Variants in TGM3 observed in about 807,000 individuals in gnomAD.
TGM3 encodes protein-glutamine gamma-glutamyltransferase E.
Under a neutral mutation model 73.8 loss-of-function variants are expected in TGM3, and 52 were observed. That is an observed-to-expected ratio of 0.70 (90% CI 0.56 to 0.89). TGM3 has a LOEUF of 0.89. Among genes scored for constraint, TGM3 ranks in the 40% least tolerant of loss-of-function variants. TGM3 has a pLI of 0.00. For synonymous variants in TGM3, 372 were observed against 354.9 expected (o/e 1.05, Z -0.54); for missense variants, 928 against 909.9 (o/e 1.02, Z -0.26).
chr20:2,304,931 T>C (rs1165543496), intron 1 of TGM3, among the ~76,000 whole-genome samples: 1 of 152,158 alleles, frequency 6.6e-6, no homozygotes, highest in African/African-American at 2.4e-5. Flanking sequence ...GAAGATTTGC[T>C]AGAACAGCTC....
intron 5 of TGM3, among the ~76,000 whole-genome samples, chr20:2,316,493 C>T (rs1454717452): frequency 2.0e-5 from 3 of 151,726 alleles, no homozygotes; most frequent in African/African-American, 7.3e-5. Context: ...ATCCAGGAGG[C>T]GAAGCTTGCA....
Position 2,340,706 on chromosome 20 carries a change from C to A in TGM3, c.*125C>A. 1 of 1,314,404 alleles carries A rather than the reference C, an allele frequency of 7.6e-7. No homozygotes were observed. Among genetic ancestry groups the A allele is most frequent in the Non-Finnish European group, 1.1e-6 (1 of 939,130 alleles). 81.4% of individuals were successfully genotyped at this position (1,314,404 alleles called of 1,614,324 possible). A position where few individuals can be genotyped will look rare whatever the true frequency, so the allele number is the denominator to read the frequency against. On this transcript the variant is annotated 3_prime_UTR_variant, in exon 13 of 13. Transcript: ENST00000381458. ...CTCTCCATCTCCCAAGGCTGCCAGA[C>A]ATGGACCTCCAGGCTCCAGCACATC...
chr20:2,300,131 AG>A (rs1198635324), intron 1 of TGM3, among the ~76,000 whole-genome samples: 10 of 151,410 alleles, frequency 6.6e-5, no homozygotes, highest in Non-Finnish European at 1.2e-4. Context: ...AAAGAAAGGA[AG>A]AAAGAAAGGA....
chr20:2,330,381 C>G (rs1453406190), intron 9 of TGM3, among the ~76,000 whole-genome samples: 1 of 152,202 alleles, frequency 6.6e-6, no homozygotes, highest in East Asian at 1.9e-4. Flanking sequence ...GCCTTCAGCT[C>G]TGGGTTGAAC....
chr20:2,309,624 C>T, intron 1 of TGM3, 33 bp from the exon 2 acceptor site: 4 of 1,610,980 alleles, frequency 2.5e-6, no homozygotes, highest in Non-Finnish European at 3.4e-6. Context: ...CCCTTGCCTC[C>T]TAGGACTTCA....
chr20:2,301,092 A>G (rs775750314), intron 1 of TGM3, among the ~76,000 whole-genome samples: 5 of 152,054 alleles, frequency 3.3e-5, no homozygotes, highest in Non-Finnish European at 7.4e-5. Context: ...ACTCTCCCTG[A>G]ATGCCAAGAA....
rs149237249 is a variant in TGM3 at position 2,312,305 on chromosome 20, C to T, written c.541-593C>T. 3.1e-3 allele frequency among the ~76,000 whole-genome samples: 429 copies of T among 137,044 alleles called. 5 individuals are homozygous for T. Among genetic ancestry groups the T allele is most frequent in the East Asian group, 2.0e-3 (8 of 4,052 alleles). 89.9% of individuals were successfully genotyped at this position (137,044 alleles called of 152,430 possible). On this transcript the variant is annotated intron_variant, in intron 4 of 12. Coordinates refer to ENST00000381458, the MANE Select transcript of TGM3 (RefSeq NM_003245.4). ...ATCCCAGCTACTTGGGAGGCTGAGG[C>T]GGGAGAATTACTTCCCAGGAGGTGG...
Position 2,340,712 on chromosome 20 carries a change from C to A in TGM3, c.*131C>A. The A allele has an allele frequency of 2.4e-6, 3 of 1,236,710 alleles. No homozygotes were observed. The highest frequency in any genetic ancestry group is 2.3e-6 in the Non-Finnish European group (2 of 870,684). The allele number at this position is 1,236,710 out of a possible 1,614,324, so 76.6% of individuals were successfully genotyped here. A position where few individuals can be genotyped will look rare whatever the true frequency, so the allele number is the denominator to read the frequency against. On this transcript the variant is annotated 3_prime_UTR_variant, in exon 13 of 13. Coordinates refer to ENST00000381458, the MANE Select transcript of TGM3 (RefSeq NM_003245.4). ...ATCTCCCAAGGCTGCCAGACATGGA[C>A]CTCCAGGCTCCAGCACATCCCCCTC...
chr20:2,331,702 G>A (rs899513908), intron 9 of TGM3, among the ~76,000 whole-genome samples: 4 of 152,150 alleles, frequency 2.6e-5, no homozygotes, highest in African/African-American at 7.2e-5. Flanking sequence ...AGAAAAAAAT[G>A]GAATCTAACC....
chr20:2,300,317 T>C (rs2084138345), intron 1 of TGM3, among the ~76,000 whole-genome samples: 2 of 151,894 alleles, frequency 1.3e-5, no homozygotes, highest in African/African-American at 4.8e-5. Flanking sequence ...AACCAAAGAT[T>C]CTAATTGAAT....
chr20:2,300,129 GAAGA>G (rs2084135377), intron 1 of TGM3, among the ~76,000 whole-genome samples: 2 of 143,214 alleles, frequency 1.4e-5, no homozygotes, highest in Non-Finnish European at 3.0e-5. Flanking sequence ...AGAAAGAAAG[GAAGA>G]AAGAAAGGAA....
chr20:2,297,234 C>A (rs749374199), intron 1 of TGM3, among the ~76,000 whole-genome samples: 25 of 152,194 alleles, frequency 1.6e-4, no homozygotes, highest in Non-Finnish European at 3.4e-4. Context: ...CTCAGCAGTG[C>A]CCTTTCCACC....
At chr20:2,327,920 T>C (rs1035813633) in intron 8 of TGM3, among the ~76,000 whole-genome samples, 200 bp from the exon 9 acceptor site, 3 of 152,158 alleles carry the variant, frequency 2.0e-5, no homozygotes, top group African/African-American at 4.8e-5. Context: ...TATGTAGAGG[T>C]TGAGTTCGAC....
intron 8 of TGM3, among the ~76,000 whole-genome samples, chr20:2,327,648 T>A (rs537598860): frequency 7.2e-5 from 11 of 152,166 alleles, no homozygotes; most frequent in Non-Finnish European, 1.3e-4. Context: ...CTATCTAAGC[T>A]TCCTATGCTG....
intron 12 of TGM3, among the ~76,000 whole-genome samples, 190 bp downstream of exon 12, chr20:2,340,177 ACAGGT>A (rs988139107): frequency 6.6e-6 from 1 of 152,180 alleles, no homozygotes; most frequent in African/African-American, 2.4e-5. Context: ...CCTGAGAAGA[ACAGGT>A]CACCAGAGCT....
At chr20:2,331,683 C>G (rs2084321450) in intron 9 of TGM3, among the ~76,000 whole-genome samples, 1 of 152,158 alleles carries the variant, frequency 6.6e-6, no homozygotes, top group Non-Finnish European at 1.5e-5. Context: ...TCACAAAAGA[C>G]ATTTTATCAG....
rs2084375075 is a variant in TGM3, at chr20:2,340,437, G to A, written c.1938G>A (p.Val646=). ...TGATCTGTGCCCTCCCCATCAGCGT[G>A]CCGACCCTAGGGCCCAAGGAGGGGT... The part of the protein sequence containing the change: ...GLLLGNLKID[V]PTLGPKEGSR... Residue 646 remains valine, a synonymous_variant, in exon 13 of 13, where the codon GTG becomes GTA. Transcript: ENST00000381458. The A allele has an allele frequency of 6.2e-7, 1 of 1,613,874 alleles. No homozygotes were observed. The highest frequency in any genetic ancestry group is 1.1e-5 in the South Asian group (1 of 91,070).
intron 4 of TGM3, 77 bp downstream of exon 4, chr20:2,311,206 G>A: frequency 8.4e-7 from 1 of 1,194,588 alleles, no homozygotes; most frequent in Non-Finnish European, 1.2e-6. Context: ...ACAGATCAAT[G>A]GGAAGTCCCA....
At chr20:2,339,000 C>T (rs1051594635) in intron 11 of TGM3, among the ~76,000 whole-genome samples, 1 of 152,200 alleles carries the variant, frequency 6.6e-6, no homozygotes, top group African/African-American at 2.4e-5. Context: ...CTTTTCTGAC[C>T]CCAAACCCAG....
Sources: gnomAD v4.1 joint callset for allele counts (sites outside exome capture counted in the v4.1 genomes callset) on GRCh38, gnomAD v4.1.1 for gene constraint, MANE v1.5 for transcripts, NCBI Gene and HGNC (gene_info 2026-07-23, HGNC 2026-07-21) for gene names.